The following STXBP5 variants were observed in gnomAD, a reference collection of about 807,000 sequenced individuals.
STXBP5 encodes the protein syntaxin binding protein 5, also known as syntaxin-binding protein 5.
A neutral mutation model predicts 152.4 loss-of-function variants in STXBP5; 50 were observed. The ratio of observed to expected loss-of-function variants is 0.33; its 90% confidence interval spans 0.26 to 0.42. STXBP5 has a LOEUF of 0.42. Ranked by LOEUF, STXBP5 falls within the 10% of genes least tolerant of loss-of-function variation. The pLI, the probability that STXBP5 is intolerant of heterozygous loss-of-function variation, is 1.00. For missense variants in STXBP5, 1,167 were observed against 1,388.6 expected, an observed-to-expected ratio of 0.84 and a Z score of 2.54; for synonymous variants, 492 against 494.7, an observed-to-expected ratio of 0.99 and a Z score of 0.07.
intron 19 of STXBP5, 92 bp downstream of exon 19, chr6:147,334,314 A>G: frequency 8.6e-7 from 1 of 1,156,592 alleles, no homozygotes; most frequent in East Asian, 2.6e-5. Flanking sequence ...ATGCATTTAA[A>G]ATACATCTAC....
At chr6:147,240,520 T>G (rs1475990521) in intron 4 of STXBP5, among the ~76,000 whole-genome samples, 1 of 152,170 alleles carries the variant, frequency 6.6e-6, no homozygotes, top group African/African-American at 2.4e-5. Flanking sequence ...TTGATTCTTT[T>G]ATTTTAATTT....
intron 8 of STXBP5, among the ~76,000 whole-genome samples, chr6:147,283,958 C>T (rs1484643541): frequency 1.3e-5 from 2 of 152,132 alleles, no homozygotes. Flanking sequence ...GTAACGTGAG[C>T]TGCGTGTGTG....
At chr6:147,228,530 C>T (rs79169589) in intron 2 of STXBP5, among the ~76,000 whole-genome samples, 2,923 of 152,056 alleles carry the variant, frequency 0.019, 77 homozygotes, top group African/African-American at 0.066. Context: ...TTAGAAGCTG[C>T]GTAAAATCTA....
At chr6:147,205,150 A>C (rs1776475783) in intron 1 of STXBP5, among the ~76,000 whole-genome samples, 2 of 151,798 alleles carry the variant, frequency 1.3e-5, no homozygotes, top group African/African-American at 4.9e-5. Flanking sequence ...TACGATATGA[A>C]ATCACAGGGT....
intron 27 of STXBP5, 71 bp from the exon 28 acceptor site, chr6:147,384,643 A>G (rs1786252421): frequency 2.7e-6 from 4 of 1,484,360 alleles, no homozygotes; most frequent in Non-Finnish European, 3.7e-6. Context: ...TTGGAAAAAT[A>G]TAGAAATCAC....
chr6:147,349,324 C>A (rs942911726), intron 21 of STXBP5, among the ~76,000 whole-genome samples: 1 of 152,108 alleles, frequency 6.6e-6, no homozygotes, highest in Non-Finnish European at 1.5e-5. Context: ...TGGTTATTCC[C>A]GGAAATGGGA....
At position 147,347,581 on chromosome 6, in the gene STXBP5, C is replaced by A. The variant is rs633139; in HGVS notation, c.2255-5742C>A. Among the ~76,000 whole-genome samples the A allele has an allele frequency of 8.6e-3, 1,313 of 152,190 alleles. 14 individuals carry two copies. The highest frequency in any genetic ancestry group is 0.013 in the East Asian group (68 of 5,186). ...AAATGTGAAAATAATATAACTAATA[C>A]AAATCAAGAAGAAGGAATGTTTGAT... On this transcript the variant is annotated intron_variant, in intron 21 of 27. Transcript: ENST00000321680.
intron 2 of STXBP5, among the ~76,000 whole-genome samples, chr6:147,231,740 A>C (rs1275512605): frequency 6.6e-6 from 1 of 151,762 alleles, no homozygotes; most frequent in Non-Finnish European, 1.5e-5. Context: ...CAGACGTTTA[A>C]TTTTTTTCAT....
chr6:147,353,450 T>C (rs1316299785), intron 22 of STXBP5, 77 bp downstream of exon 22: 9 of 934,580 alleles, frequency 9.6e-6, no homozygotes, highest in South Asian at 1.9e-5. Flanking sequence ...TTATAGTTAC[T>C]GTAAGATAGT....
At chr6:147,302,422 CAGAA>C (rs1412819196) in intron 9 of STXBP5, among the ~76,000 whole-genome samples, 1 of 152,066 alleles carries the variant, frequency 6.6e-6, no homozygotes, top group Non-Finnish European at 1.5e-5. Context: ...AGAATGATAA[CAGAA>C]GGAAGGCCAG....
intron 23 of STXBP5, among the ~76,000 whole-genome samples, chr6:147,363,008 G>T (rs1317278811): frequency 1.3e-5 from 2 of 152,084 alleles, no homozygotes; most frequent in African/African-American, 2.4e-5. Flanking sequence ...GCACTTACTG[G>T]GTATAAGAGA....
At chr6:147,224,463 A>G (rs775601265) in intron 2 of STXBP5, among the ~76,000 whole-genome samples, 3 of 152,174 alleles carry the variant, frequency 2.0e-5, no homozygotes, top group Non-Finnish European at 4.4e-5. Context: ...ACTAAACTAA[A>G]CTAAATTAAA....
intron 23 of STXBP5, among the ~76,000 whole-genome samples, chr6:147,360,008 A>G (rs904021351): frequency 1.3e-5 from 2 of 152,224 alleles, no homozygotes. Context: ...ACACTTCTCA[A>G]AGGAAGACAT....
chr6:147,219,799 G>GTTTTTTTTTTTTTTTTTTTTTTTTTTT (rs35444906), intron 2 of STXBP5, among the ~76,000 whole-genome samples: 1 of 86,104 alleles, frequency 1.2e-5, no homozygotes. Flanking sequence ...CTAGAAGCTT[G>GTTTTTTTTTTTTTTTTTTTTTTTTTTT]TTTTTTTTTT....
At chr6:147,335,266 C>A (rs1422921663) in intron 19 of STXBP5, among the ~76,000 whole-genome samples, 3 of 152,094 alleles carry the variant, frequency 2.0e-5, no homozygotes, top group Non-Finnish European at 4.4e-5. Flanking sequence ...TAATATGAAG[C>A]AGGAGCTGTT....
At chr6:147,238,430 A>G (rs1208562341) in intron 3 of STXBP5, among the ~76,000 whole-genome samples, 1 of 152,154 alleles carries the variant, frequency 6.6e-6, no homozygotes, top group African/African-American at 2.4e-5. Context: ...CAAATGAGGG[A>G]TGGTTCACCA....
At chr6:147,336,100 C>A (rs536820120) in intron 19 of STXBP5, among the ~76,000 whole-genome samples, 117 of 152,270 alleles carry the variant, frequency 7.7e-4, no homozygotes, top group African/African-American at 2.8e-3. Flanking sequence ...CATAGGAATT[C>A]TCTGAGACAT....
chr6:147,355,535 C>T (rs533732944), intron 22 of STXBP5, among the ~76,000 whole-genome samples: 13 of 152,210 alleles, frequency 8.5e-5, no homozygotes, highest in African/African-American at 2.6e-4. Context: ...TCAATAATAA[C>T]CATAGCGTTC....
intron 7 of STXBP5, among the ~76,000 whole-genome samples, chr6:147,269,382 C>T (rs1006314939): frequency 3.3e-5 from 5 of 152,140 alleles, no homozygotes; most frequent in Admixed American, 1.3e-4. Flanking sequence ...TTTTTAAGTA[C>T]GTAACTACAT....
Sources: allele counts gnomAD v4.1 joint callset (sites outside exome capture counted in the v4.1 genomes callset), GRCh38; gene constraint gnomAD v4.1.1; transcripts MANE v1.5; gene names NCBI Gene and HGNC (gene_info 2026-07-23, HGNC 2026-07-21).